Variants in CELF2 observed in about 807,000 individuals in gnomAD.
CELF2 encodes the protein CUG triplet repeat RNA-binding protein 2.
In CELF2, 8 loss-of-function variants were observed where a neutral mutation model predicts 62.6. The observed-to-expected ratio is 0.13, with a 90% CI of 0.07 to 0.23. The LOEUF is 0.23. Ranked by LOEUF, CELF2 falls within the 10% of genes least tolerant of loss-of-function variation. CELF2 has a pLI of 1.00. For synonymous variants in CELF2, 258 were observed against 250.0 expected (o/e 1.03, Z -0.30); for missense variants, 333 against 671.0 (o/e 0.50, Z 5.56).
chr10:10,725,620 G>A, the CELF2 span, among the ~76,000 whole-genome samples: 1 of 152,142 alleles, frequency 6.6e-6, no homozygotes, highest in Admixed American at 6.5e-5. Flanking sequence ...AGACGGACTT[G>A]TTTTCTAATC....
the CELF2 span, among the ~76,000 whole-genome samples, chr10:10,548,442 G>C: frequency 6.6e-6 from 1 of 152,224 alleles, no homozygotes; most frequent in South Asian, 2.1e-4. Flanking sequence ...TTCTATAAGG[G>C]TTTAGTTTTT....
At chr10:11,014,974 A>G (rs991962174), upstream of CELF2, among the ~76,000 whole-genome samples, 2 of 152,188 alleles carry the variant, frequency 1.3e-5, no homozygotes, top group Non-Finnish European at 2.9e-5. Flanking sequence ...ATGGCAACAC[A>G]GGGTGGTGTC....
the CELF2 span, among the ~76,000 whole-genome samples, chr10:10,629,857 A>G: frequency 9.0e-6 from 1 of 111,704 alleles, no homozygotes; most frequent in Admixed American, 1.0e-4. Context: ...GCACGGCTGA[A>G]GACCAAAAAA....
the CELF2 span, among the ~76,000 whole-genome samples, chr10:10,744,059 A>G: frequency 6.6e-6 from 1 of 152,234 alleles, no homozygotes; most frequent in Admixed American, 6.5e-5. Flanking sequence ...TTTTCCTCCA[A>G]AGACTCAGAT....
At chr10:10,577,124 CA>C in the CELF2 span, among the ~76,000 whole-genome samples, 3 of 152,248 alleles carry the variant, frequency 2.0e-5, no homozygotes, top group East Asian at 5.8e-4. Context: ...GGCCCTGAAG[CA>C]AGAAGCAAAC....
At chr10:10,729,602 G>A in the CELF2 span, among the ~76,000 whole-genome samples, 2 of 151,704 alleles carry the variant, frequency 1.3e-5, no homozygotes, top group African/African-American at 2.4e-5. Flanking sequence ...GCAAGACTCC[G>A]TTTCCAAAAC....
At chr10:11,113,946 A>C (rs1009190827) in intron 1 of CELF2, among the ~76,000 whole-genome samples, 1 of 152,206 alleles carries the variant, frequency 6.6e-6, no homozygotes, top group Admixed American at 6.5e-5. Flanking sequence ...TCCTGGCTTC[A>C]TATATGATTT....
Position 11,098,826 on chromosome 10 carries a change from G to A in CELF2, c.75-66660G>A, listed in dbSNP as rs1449804361. Among the ~76,000 whole-genome samples, 1 of 152,134 alleles carries A rather than the reference G, an allele frequency of 6.6e-6. No individual in the cohort carries two copies. The highest frequency in any genetic ancestry group is 1.5e-5 in the Non-Finnish European group (1 of 68,020). On this transcript the variant is annotated intron_variant, in intron 1 of 12. Coordinates refer to ENST00000633077, the MANE Select transcript of CELF2 (RefSeq NM_001326342.2). This position sits in a 1 kb window ranked among gnomAD's most constrained non-coding sequence, Gnocchi z 4.0. ...GACCGAGGCTTCTTGGCTCTGCACCGGGTGATAATTCTACCTGGGCAGCAG... is the reference window on the plus strand; with the variant it reads ...GACCGAGGCTTCTTGGCTCTGCACCAGGTGATAATTCTACCTGGGCAGCAG...
chr10:10,684,503 G>A, the CELF2 span, among the ~76,000 whole-genome samples: 259 of 152,272 alleles, frequency 1.7e-3, 4 homozygotes, highest in Admixed American at 0.012. Context: ...AGGACTTTGA[G>A]AGGACAAGGC....
intron 1 of CELF2, among the ~76,000 whole-genome samples, chr10:10,863,875 T>G (rs1310036339): frequency 6.6e-6 from 1 of 152,186 alleles, no homozygotes; most frequent in African/African-American, 2.4e-5. Flanking sequence ...ACAAACCAAA[T>G]AAGGCAACTT....
chr10:11,131,084 C>A (rs1234925180), intron 1 of CELF2, among the ~76,000 whole-genome samples: 2 of 152,202 alleles, frequency 1.3e-5, no homozygotes, highest in Non-Finnish European at 2.9e-5. Flanking sequence ...CATTGCAGTT[C>A]TACTGAAAAT....
chr10:10,721,775 G>A, the CELF2 span, among the ~76,000 whole-genome samples: 24 of 152,182 alleles, frequency 1.6e-4, no homozygotes, highest in East Asian at 3.7e-3. Context: ...GGGGTCTATA[G>A]AACAGCATTT....
At chr10:11,087,147 TG>T (rs1327915450) in intron 1 of CELF2, among the ~76,000 whole-genome samples, 1 of 152,160 alleles carries the variant, frequency 6.6e-6, no homozygotes, top group African/African-American at 2.4e-5. Context: ...AAGATGGCAT[TG>T]GTGTTGAGAA....
chr10:11,258,959 C>T (rs2137922260), intron 5 of CELF2, among the ~76,000 whole-genome samples: 1 of 152,374 alleles, frequency 6.6e-6, no homozygotes, highest in East Asian at 1.9e-4. Flanking sequence ...GCTGGGATTA[C>T]AGGCGTGAGC....
the CELF2 span, among the ~76,000 whole-genome samples, chr10:10,522,453 C>T: frequency 2.0e-5 from 3 of 152,168 alleles, no homozygotes; most frequent in Admixed American, 6.5e-5. Context: ...TAGGAATCAC[C>T]GGAACCATGT....
At chr10:10,878,289 T>C (rs2061237983) in intron 1 of CELF2, among the ~76,000 whole-genome samples, 1 of 152,196 alleles carries the variant, frequency 6.6e-6, no homozygotes, top group South Asian at 2.1e-4. Context: ...TTTGCTTGGT[T>C]GAGGAGCCAT....
the CELF2 span, among the ~76,000 whole-genome samples, chr10:10,654,044 T>C: frequency 1.1e-4 from 17 of 149,528 alleles, no homozygotes; most frequent in South Asian, 4.5e-4. Flanking sequence ...ATATCACCAC[T>C]GATCCCACAG....
chr10:11,020,071 C>T (rs1248043966), intron 1 of CELF2, among the ~76,000 whole-genome samples: 1 of 152,148 alleles, frequency 6.6e-6, no homozygotes, highest in African/African-American at 2.4e-5. Context: ...TTAATTTATC[C>T]TTTTCATTTG....
chr10:10,562,854 A>G, the CELF2 span, among the ~76,000 whole-genome samples: 9 of 134,440 alleles, frequency 6.7e-5, no homozygotes, highest in Admixed American at 7.3e-5. Context: ...GCCAAGGACT[A>G]TCTTTCTCAG....
Sources: allele counts gnomAD v4.1 joint callset (sites outside exome capture counted in the v4.1 genomes callset), GRCh38; gene constraint gnomAD v4.1.1; non-coding constraint Gnocchi (gnomAD v3.1); transcripts MANE v1.5; gene names NCBI Gene and HGNC (gene_info 2026-07-23, HGNC 2026-07-21).